SYNE1: variants seen among roughly 807,000 people sequenced by gnomAD.
The protein encoded by SYNE1 is nesprin-1.
Under a neutral mutation model 1,111.0 loss-of-function variants are expected in SYNE1, and 616 were observed. The ratio of observed to expected loss-of-function variants is 0.55; its 90% CI spans 0.52 to 0.59. The LOEUF (loss-of-function observed/expected upper bound fraction) is 0.59, where lower values mean the gene tolerates loss of function less well. SYNE1 is among the 20% of genes least tolerant of loss of function. The pLI is 0.00. For missense variants in SYNE1, 10,006 were observed against 10,417.0 expected (o/e 0.96, Z 1.72); for synonymous variants, 3,855 against 3,825.8 (o/e 1.01, Z -0.28).
chr6:152,337,660 G>A (rs2096433079), intron 75 of SYNE1, among the ~76,000 whole-genome samples: 1 of 152,204 alleles, frequency 6.6e-6, no homozygotes, highest in African/African-American at 2.4e-5. Context: ...GGGCATTTCA[G>A]TAGATTCATC....
chr6:152,558,308 C>A (rs1195817127), intron 3 of SYNE1, among the ~76,000 whole-genome samples: 1 of 152,098 alleles, frequency 6.6e-6, no homozygotes, highest in East Asian at 1.9e-4. Flanking sequence ...AAATAGAAAA[C>A]AACAGTTTGT....
At chr6:152,284,360 A>T (rs2094201271) in intron 95 of SYNE1, among the ~76,000 whole-genome samples, 188 bp from the exon 96 acceptor site, 1 of 152,228 alleles carries the variant, frequency 6.6e-6, no homozygotes, top group Non-Finnish European at 1.5e-5. Flanking sequence ...TTCTGATTTT[A>T]TGTATGTATC....
intron 23 of SYNE1, 81 bp downstream of exon 23, chr6:152,455,805 C>G: frequency 6.2e-7 from 1 of 1,601,532 alleles, no homozygotes; most frequent in Non-Finnish European, 8.5e-7. Flanking sequence ...TTTAGCAAGA[C>G]CAAAAGCACG....
chr6:152,439,783 T>C (rs989838038), intron 32 of SYNE1, among the ~76,000 whole-genome samples: 5 of 152,148 alleles, frequency 3.3e-5, no homozygotes, highest in African/African-American at 1.2e-4. Context: ...TTAGTTCATT[T>C]CTCTACTAAT....
Position 152,255,598 on chromosome 6 carries a change from T to G in SYNE1, c.19253A>C (p.Asn6418Thr), listed in dbSNP as rs2090624258. 6.2e-7 allele frequency: 1 copy of G among 1,614,086 alleles called. No individual in the cohort carries two copies. The highest frequency in any genetic ancestry group is 1.3e-5 in the African/African-American group (1 of 74,940). Reference sequence around the variant, plus strand: ...AGGAACTACTAAACCTACCTCTTGGTTGAAGAGACAAGTCTCTGTTTCTTC... The same window carrying G: ...AGGAACTACTAAACCTACCTCTTGGGTGAAGAGACAAGTCTCTGTTTCTTC... ...LPEETETCLF[N>T]QEILAKDIKE... Residue 6418 changes from asparagine to threonine, a missense_variant, in exon 103 of 146, where the codon AAC becomes ACC. By Grantham distance (65) the Asn-to-Thr change is moderately conservative. This residue lies in a region of SYNE1 where 2,182 missense variants were observed against 2,287.8 expected (regional missense o/e 0.95). Coordinates refer to ENST00000367255, the MANE Select transcript of SYNE1 (RefSeq NM_182961.4).
In SYNE1 at chr6:152,433,878, C is replaced by T. The variant is rs376463379; in HGVS notation, c.4378G>A (p.Val1460Ile). The T allele has an allele frequency of 1.3e-4, 210 of 1,613,772 alleles. 1 individual carries two copies. Among genetic ancestry groups the T allele is most frequent in the East Asian group, 6.9e-4 (31 of 44,868 alleles). ...TCTTTTTCTTTCTCAGTTATCCAGA[C>T]GGACAGAGTCTCAAAATTACTGCCA... ...HFGSNFETLS[V>I]WITEKEKELN... The change falls in exon 34 of 146, where the codon GTC becomes ATC. Residue 1460 changes from valine (V) to isoleucine (I), a missense_variant. By Grantham distance (29) the Val-to-Ile change is conservative (BLOSUM62 3). This residue lies in a region of SYNE1 where 1,971 missense variants were observed against 2,084.1 expected (regional missense o/e 0.95). Coordinates refer to ENST00000367255, the MANE Select transcript of SYNE1 (RefSeq NM_182961.4).
intron 126 of SYNE1, among the ~76,000 whole-genome samples, chr6:152,203,809 C>A (rs1332963379): frequency 1.3e-5 from 2 of 151,894 alleles, no homozygotes; most frequent in Admixed American, 6.5e-5. Flanking sequence ...GAGTGCATAA[C>A]CACATTCCCT....
intron 74 of SYNE1, among the ~76,000 whole-genome samples, chr6:152,342,952 T>C (rs1000860158): frequency 6.6e-6 from 1 of 152,212 alleles, no homozygotes; most frequent in Non-Finnish European, 1.5e-5. Context: ...TTTCTGTTTA[T>C]AAATCACGTT....
chr6:152,229,414 G>A (rs2082257134), intron 115 of SYNE1, among the ~76,000 whole-genome samples: 1 of 152,148 alleles, frequency 6.6e-6, no homozygotes, highest in South Asian at 2.1e-4. Context: ...GAACGTTACT[G>A]CTTCACCTGA....
rs571324061 is a variant in SYNE1 at position 152,269,847 on chromosome 6, T to C, written c.18574-561A>G. Among the ~76,000 whole-genome samples the C allele has an allele frequency of 3.3e-5, 5 of 152,314 alleles. No homozygotes were observed. The East Asian group carries it at 9.6e-4, about 29-fold the overall frequency. ...AAAAAGTTCACTGTTCTGTAAGGCA[T>C]CATACTCTCTGGAATTCAGTAAGAA... On this transcript the variant is annotated intron_variant, in intron 98 of 145. Coordinates refer to ENST00000367255, the MANE Select transcript of SYNE1 (RefSeq NM_182961.4).
Position 152,430,466 on chromosome 6 carries a change from G to A in SYNE1, c.4689+16C>T. The A allele has an allele frequency of 6.3e-7, 1 of 1,598,760 alleles. No individual in the cohort carries two copies. On this transcript the variant is annotated intron_variant, in intron 35 of 145. Coordinates refer to ENST00000367255, the MANE Select transcript of SYNE1 (RefSeq NM_182961.4). ...GTGAAATATGTAAACTTAAGTATAG[G>A]TGGATCAATTCTTACCTTTCTAAGG... is the stretch of plus-strand genomic sequence containing the variant.
chr6:152,244,511 T>C (rs748331817), intron 106 of SYNE1, 26 bp downstream of exon 106: 3 of 1,613,766 alleles, frequency 1.9e-6, no homozygotes, highest in Non-Finnish European at 1.7e-6. Flanking sequence ...CCCCTGCAGC[T>C]GAATACTACT....
intron 53 of SYNE1, among the ~76,000 whole-genome samples, chr6:152,388,613 C>T (rs930109869): frequency 7.9e-5 from 12 of 152,130 alleles, no homozygotes; most frequent in African/African-American, 2.7e-4. Context: ...TACAACTCCA[C>T]AATGTGTTTT....
At chr6:152,452,705 C>G (rs2098661047) in intron 25 of SYNE1, among the ~76,000 whole-genome samples, 2 of 152,298 alleles carry the variant, frequency 1.3e-5, no homozygotes, top group South Asian at 2.1e-4. Flanking sequence ...AGGAAGACAG[C>G]CTTCCATGGG....
intron 126 of SYNE1, among the ~76,000 whole-genome samples, chr6:152,205,353 T>C (rs1414669661): frequency 6.6e-6 from 1 of 152,214 alleles, no homozygotes; most frequent in Non-Finnish European, 1.5e-5. Flanking sequence ...GCGCTCAGTA[T>C]GAGCCAGGTA....
intron 104 of SYNE1, among the ~76,000 whole-genome samples, chr6:152,251,879 CT>C (rs1340534707): frequency 3.2e-3 from 3 of 940 alleles, no homozygotes; most frequent in Non-Finnish European, 6.4e-3. Context: ...AAATACATCA[CT>C]TTTTTTTTCT....
intron 11 of SYNE1, among the ~76,000 whole-genome samples, chr6:152,496,737 A>G (rs777466418): frequency 7.2e-5 from 11 of 152,154 alleles, no homozygotes; most frequent in Non-Finnish European, 1.3e-4. Flanking sequence ...TCTTATTAAT[A>G]TAAGAAGACA....
chr6:152,390,021 C>T (rs1306162349), intron 53 of SYNE1, among the ~76,000 whole-genome samples: 2 of 152,024 alleles, frequency 1.3e-5, no homozygotes, highest in African/African-American at 4.8e-5. Context: ...TTGCTGAGCC[C>T]ATGTCACATA....
intron 67 of SYNE1, 69 bp from the exon 68 acceptor site, chr6:152,353,813 C>T (rs985355918): frequency 1.6e-5 from 25 of 1,589,844 alleles, no homozygotes; most frequent in Non-Finnish European, 1.9e-5. Flanking sequence ...TGTATATCTT[C>T]TTATAGGAAA....
Sources: allele counts gnomAD v4.1 joint callset (sites outside exome capture counted in the v4.1 genomes callset), GRCh38; gene constraint gnomAD v4.1.1; regional missense constraint gnomAD v4.1.1; transcripts MANE v1.5; gene names NCBI Gene and HGNC (gene_info 2026-07-23, HGNC 2026-07-21).